The following FECH variants were observed in gnomAD, a reference collection of about 807,000 sequenced individuals.
The protein encoded by FECH is ferrochelatase, mitochondrial.
Under a neutral mutation model 56.9 loss-of-function variants are expected in FECH, and 40 were observed. That is an observed-to-expected ratio of 0.70 (90% CI 0.55 to 0.92). FECH has a LOEUF of 0.92. Ranked by LOEUF, FECH falls within the 40% of genes least tolerant of loss-of-function variation. The pLI is 0.00. For synonymous variants in FECH, 175 were observed against 198.6 expected, an observed-to-expected ratio of 0.88 and a Z score of 1.00; for missense variants, 431 against 529.1, an observed-to-expected ratio of 0.81 and a Z score of 1.82.
At chr18:57,565,572 GAA>G (rs57189114) in intron 5 of FECH, among the ~76,000 whole-genome samples, 83 of 132,460 alleles carry the variant, frequency 6.3e-4, no homozygotes, top group African/African-American at 1.9e-3. Flanking sequence ...TACCATCTCA[GAA>G]AAAAAAAAAA....
intron 1 of FECH, among the ~76,000 whole-genome samples, chr18:57,584,739 T>C (rs2051339658): frequency 6.6e-6 from 1 of 151,544 alleles, no homozygotes; most frequent in South Asian, 2.1e-4. Context: ...TATTGGTTAG[T>C]TGCTGATATG....
chr18:57,558,152 C>A (rs2050892178), intron 7 of FECH, among the ~76,000 whole-genome samples: 1 of 152,176 alleles, frequency 6.6e-6, no homozygotes, highest in Non-Finnish European at 1.5e-5. Flanking sequence ...CCTCAATCAC[C>A]CCTGTGAAGA....
At position 57,586,580 on chromosome 18, in the gene FECH, GC is replaced by G. The variant is rs1171981319; in HGVS notation, c.40del (p.Ala14ProfsTer59). On this transcript the variant is annotated frameshift_variant, in exon 1 of 11. Coordinates refer to ENST00000262093, the MANE Select transcript of FECH (RefSeq NM_000140.5). LOFTEE classifies it high-confidence loss of function. ...LGANMAAALR[A>X]AGVLLRDPLA... ...CGGATCGCGGAGCAGGACGCCCGCG[GC>G]GCGCAGGGCCGCAGCCATGTTTGCG... is the stretch of plus-strand genomic sequence containing the variant. 2.3e-5 allele frequency: 35 copies of G among 1,521,748 alleles called. No homozygotes were observed. Among genetic ancestry groups the G allele is most frequent in the Non-Finnish European group, 3.0e-5 (34 of 1,141,570 alleles). The allele number at this position is 1,521,748 out of a possible 1,614,324, so 94.3% of individuals were successfully genotyped here. A position where few individuals can be genotyped will look rare whatever the true frequency, so the allele number is the denominator to read the frequency against.
chr18:57,554,776 C>A, intron 8 of FECH, 69 bp downstream of exon 8: 1 of 1,305,708 alleles, frequency 7.7e-7, no homozygotes, highest in Non-Finnish European at 1.1e-6. Flanking sequence ...CAAATCTAAC[C>A]ATTTTATAAC....
At chr18:57,555,350 C>T (rs1244333831) in intron 7 of FECH, among the ~76,000 whole-genome samples, 3 of 152,192 alleles carry the variant, frequency 2.0e-5, no homozygotes, top group Non-Finnish European at 4.4e-5. Flanking sequence ...GGAACTGAAA[C>T]AGTGCTGCAT....
chr18:57,566,612 G>C, intron 4 of FECH, 31 bp from the exon 5 acceptor site: 2 of 1,613,046 alleles, frequency 1.2e-6, no homozygotes, highest in Non-Finnish European at 1.7e-6. Context: ...AAAGGAGAAA[G>C]TGTTAATCCT....
At chr18:57,574,936 G>C (rs185397760) in intron 2 of FECH, among the ~76,000 whole-genome samples, 1 of 152,162 alleles carries the variant, frequency 6.6e-6, no homozygotes, top group Non-Finnish European at 1.5e-5. Flanking sequence ...TCTAACTCCA[G>C]GACATCTTTA....
chr18:57,566,870 T>C (rs1261869841), intron 4 of FECH, among the ~76,000 whole-genome samples: 2 of 152,112 alleles, frequency 1.3e-5, no homozygotes, highest in Admixed American at 6.6e-5. Context: ...TTGGCTGGCA[T>C]AAGAGAGCCT....
rs1417406782 is a variant in FECH, at chr18:57,547,416, G to C, written c.*3296C>G. ...TGGTGGAAGGAGATTGGAACATGGA[G>C]ACAGTTCCCCCATGCTGTTCTTGTG... On this transcript the variant is annotated 3_prime_UTR_variant, in exon 11 of 11. Transcript: ENST00000262093. Among the ~76,000 whole-genome samples, 1 of 152,124 alleles carries C rather than the reference G, an allele frequency of 6.6e-6. No individual in the cohort carries two copies. Among genetic ancestry groups the C allele is most frequent in the Non-Finnish European group, 1.5e-5 (1 of 68,022 alleles).
At chr18:57,551,538 G>T (rs2050798473) in intron 9 of FECH, among the ~76,000 whole-genome samples, 164 bp from the exon 10 acceptor site, 4 of 152,100 alleles carry the variant, frequency 2.6e-5, no homozygotes, top group Admixed American at 2.6e-4. Flanking sequence ...AATACTCATG[G>T]GGCAGGGCTG....
chr18:57,555,796 TG>T (rs1323552969), intron 7 of FECH, among the ~76,000 whole-genome samples: 1 of 152,236 alleles, frequency 6.6e-6, no homozygotes, highest in African/African-American at 2.4e-5. Context: ...AAACAGTGCC[TG>T]GAATATAGCA....
chr18:57,557,289 C>T (rs962910291), intron 7 of FECH, among the ~76,000 whole-genome samples: 4 of 152,144 alleles, frequency 2.6e-5, no homozygotes, highest in Non-Finnish European at 2.9e-5. Flanking sequence ...CAGAAGGGAA[C>T]GCAGGGGAAG....
intron 9 of FECH, among the ~76,000 whole-genome samples, chr18:57,552,742 T>A (rs1283996388): frequency 6.6e-6 from 1 of 152,120 alleles, no homozygotes; most frequent in African/African-American, 2.4e-5. Flanking sequence ...ATCAGGAGAC[T>A]GGCATGGGAA....
chr18:57,562,753 AAC>A (rs1413752628), intron 6 of FECH, 119 bp downstream of exon 6: 5 of 746,202 alleles, frequency 6.7e-6, no homozygotes, highest in African/African-American at 1.7e-5. Context: ...TTTAATCCCA[AAC>A]ACACAATTTA....
In FECH at chr18:57,571,509, T is replaced by G. The variant is rs1422688348; in HGVS notation, c.346A>C (p.Thr116Pro). Residue 116 changes from threonine to proline, a missense_variant, in exon 4 of 11, where the codon ACC becomes CCC. Transcript: ENST00000262093. ...KLAPFIAKRR[T>P]PKIQEQYRRI... The stretch of plus-strand genomic sequence containing the variant: ...CGGTACTGCTCTTGAATCTTGGGGG[T>G]TCGGCGTTTGGCGATGAATGGTGCC... The G allele has an allele frequency of 3.7e-6, 6 of 1,613,980 alleles. No individual in the cohort carries two copies. Among genetic ancestry groups the G allele is most frequent in the Non-Finnish European group, 5.1e-6 (6 of 1,180,034 alleles).
chr18:57,568,969 A>G (rs1392435436), intron 4 of FECH, among the ~76,000 whole-genome samples: 1 of 152,184 alleles, frequency 6.6e-6, no homozygotes, highest in African/African-American at 2.4e-5. Flanking sequence ...GAGTTCTGTT[A>G]CCATCCCCAT....
chr18:57,576,799 GC>G (rs1237295460), intron 2 of FECH, among the ~76,000 whole-genome samples: 2 of 152,162 alleles, frequency 1.3e-5, no homozygotes, highest in Non-Finnish European at 2.9e-5. Flanking sequence ...GCATTAGTAA[GC>G]CCCAGTCTGA....
intron 5 of FECH, among the ~76,000 whole-genome samples, chr18:57,564,368 T>A (rs1812482): frequency 1.3e-4 from 19 of 151,980 alleles, no homozygotes; most frequent in Non-Finnish European, 2.1e-4. Flanking sequence ...GTCAACCCAA[T>A]GTAACTTTTT....
intron 6 of FECH, among the ~76,000 whole-genome samples, chr18:57,560,819 T>A (rs1446173843): frequency 6.6e-6 from 1 of 152,230 alleles, no homozygotes; most frequent in Non-Finnish European, 1.5e-5. Flanking sequence ...TCTGCACTTG[T>A]TGGTATTTTG....
Sources: gnomAD v4.1 joint callset for allele counts (sites outside exome capture counted in the v4.1 genomes callset) on GRCh38, gnomAD v4.1.1 for gene constraint, MANE v1.5 for transcripts, NCBI Gene and HGNC (gene_info 2026-07-23, HGNC 2026-07-21) for gene names.